Variants in CCSER1 observed in about 807,000 individuals in gnomAD.
CCSER1 encodes the protein coiled-coil serine rich protein 1, also known as serine-rich coiled-coil domain-containing protein 1.
CCSER1 carries 41 observed loss-of-function variants against 82.0 expected under a neutral mutation model. That is an observed-to-expected ratio of 0.50 (90% CI 0.39 to 0.65). The LOEUF is 0.65. CCSER1 is among the 30% of genes least tolerant of loss of function. The pLI is 0.00. For missense variants in CCSER1, 1,119 were observed against 1,064.2 expected, an observed-to-expected ratio of 1.05 and a Z score of -0.72; for synonymous variants, 414 against 383.9, an observed-to-expected ratio of 1.08 and a Z score of -0.92.
chr4:90,944,691 A>T (rs866437480), intron 9 of CCSER1, among the ~76,000 whole-genome samples: 5 of 152,238 alleles, frequency 3.3e-5, no homozygotes, highest in Admixed American at 1.3e-4. Flanking sequence ...ATTTAGTCAA[A>T]TAAGTCCTTA....
intron 3 of CCSER1, among the ~76,000 whole-genome samples, chr4:90,372,033 G>A (rs1446290950): frequency 1.3e-5 from 2 of 152,106 alleles, no homozygotes; most frequent in Non-Finnish European, 2.9e-5. Flanking sequence ...GAAAGTTGAC[G>A]ACTTGTTCAA....
intron 8 of CCSER1, chr4:90,911,185 C>CTTTTTTTT: frequency 2.4e-6 from 1 of 422,514 alleles, no homozygotes. Flanking sequence ...ATAAGTCTCC[C>CTTTTTTTT]TTTTTTTCAA....
At chr4:91,239,297 A>G (rs1043349087) in intron 10 of CCSER1, among the ~76,000 whole-genome samples, 1 of 62,962 alleles carries the variant, frequency 1.6e-5, no homozygotes, top group Non-Finnish European at 3.1e-5. Context: ...CTCATTTTAG[A>G]ATGTGCGAAT....
intron 4 of CCSER1, among the ~76,000 whole-genome samples, chr4:90,423,516 T>C (rs1055735116): frequency 6.6e-6 from 1 of 151,358 alleles, no homozygotes; most frequent in Admixed American, 6.6e-5. Flanking sequence ...GAGCCACCGC[T>C]TCTGGCTCCA....
chr4:91,422,228 A>C (rs2870322), intron 10 of CCSER1, among the ~76,000 whole-genome samples: 20,776 of 151,662 alleles, frequency 0.14, 1,955 homozygotes, highest in African/African-American at 0.26. Context: ...CAAAAAAAAA[A>C]CCCCTGTACA....
At chr4:91,280,596 T>C (rs1003258670) in intron 10 of CCSER1, among the ~76,000 whole-genome samples, 10 of 152,174 alleles carry the variant, frequency 6.6e-5, no homozygotes, top group Admixed American at 2.0e-4. Flanking sequence ...GATTACACTG[T>C]GGCTCTGCTG....
At chr4:91,382,501 T>A (rs1337881150) in intron 10 of CCSER1, among the ~76,000 whole-genome samples, 1 of 152,220 alleles carries the variant, frequency 6.6e-6, no homozygotes, top group African/African-American at 2.4e-5. Context: ...TGGGACCCTC[T>A]GAGCCAGGCA....
chr4:90,790,175 T>C (rs932732544), intron 7 of CCSER1, among the ~76,000 whole-genome samples: 4 of 148,914 alleles, frequency 2.7e-5, no homozygotes, highest in African/African-American at 9.7e-5. Context: ...TTTTTAACAG[T>C]CTTTAGCCTT....
chr4:91,583,624 T>C (rs562795562), intron 10 of CCSER1, among the ~76,000 whole-genome samples: 1 of 151,680 alleles, frequency 6.6e-6, no homozygotes, highest in African/African-American at 2.4e-5. Context: ...ACTTCTAAGC[T>C]TCTTGCTTGA....
intron 8 of CCSER1, among the ~76,000 whole-genome samples, chr4:90,888,156 T>C: frequency 6.6e-6 from 1 of 152,320 alleles, no homozygotes; most frequent in East Asian, 1.9e-4. Context: ...TTTTCTTTAT[T>C]ATCTTGAAAA....
chr4:90,186,273 G>T (rs998138433), intron 1 of CCSER1, among the ~76,000 whole-genome samples: 1 of 151,982 alleles, frequency 6.6e-6, no homozygotes, highest in African/African-American at 2.4e-5. Context: ...CCACCCTCAA[G>T]AGATATGTGT....
chr4:90,400,053 G>T lies in CCSER1; in HGVS notation c.1527G>T (p.Leu509Phe). ...KMNSLDVLNN[L>F]GSCELDEDDL... ...TTCTTCAGGATGTTTTGAATAATTTGGGATCTTGTGAACTGGATGAAGATG... is the reference window on the plus strand; with the variant it reads ...TTCTTCAGGATGTTTTGAATAATTTTGGATCTTGTGAACTGGATGAAGATG... Residue 509 changes from leucine (L) to phenylalanine (F), a missense_variant, in exon 4 of 11, where the codon TTG (leucine) becomes TTT (phenylalanine). By Grantham distance (22) the Leu-to-Phe change is conservative. Transcript: ENST00000509176. The T allele has an allele frequency of 6.2e-7, 1 of 1,601,884 alleles. No homozygotes were observed. The highest frequency in any genetic ancestry group is 8.5e-7 in the Non-Finnish European group (1 of 1,170,556).
chr4:90,818,708 C>T (rs538996804), intron 8 of CCSER1, among the ~76,000 whole-genome samples: 7 of 152,324 alleles, frequency 4.6e-5, no homozygotes, highest in African/African-American at 1.7e-4. Context: ...AGCAGCATCC[C>T]TAGCCTCTCT....
chr4:90,711,664 C>G (rs1228576105), intron 6 of CCSER1, among the ~76,000 whole-genome samples: 1 of 151,486 alleles, frequency 6.6e-6, no homozygotes, highest in Admixed American at 6.6e-5. Context: ...ACCAACCATG[C>G]ATCCCAGGGA....
At chr4:90,398,796 T>C (rs1752394305) in intron 3 of CCSER1, among the ~76,000 whole-genome samples, 3 of 152,198 alleles carry the variant, frequency 2.0e-5, no homozygotes, top group Admixed American at 6.5e-5. Flanking sequence ...GGTATACTTA[T>C]CACCTTTCAA....
intron 9 of CCSER1, among the ~76,000 whole-genome samples, chr4:90,928,353 G>GTT (rs1729321915): frequency 6.6e-6 from 1 of 152,000 alleles, no homozygotes; most frequent in East Asian, 1.9e-4. Flanking sequence ...CAGTGGTAAT[G>GTT]TTCTAAGGGC....
intron 4 of CCSER1, among the ~76,000 whole-genome samples, chr4:90,435,918 T>G (rs1758938633): frequency 6.6e-6 from 1 of 152,120 alleles, no homozygotes; most frequent in Non-Finnish European, 1.5e-5. Flanking sequence ...GTTTATGGAC[T>G]ATAAACCAAT....
At chr4:90,965,781 A>C (rs191718238) in intron 9 of CCSER1, among the ~76,000 whole-genome samples, 1 of 152,234 alleles carries the variant, frequency 6.6e-6, no homozygotes, top group Admixed American at 6.5e-5. Flanking sequence ...GACACAAGAA[A>C]GTGTGACTCA....
intron 1 of CCSER1, among the ~76,000 whole-genome samples, chr4:90,301,511 T>C (rs1733102483): frequency 6.6e-6 from 1 of 152,194 alleles, no homozygotes; most frequent in African/African-American, 2.4e-5. Context: ...TACATTTGTG[T>C]AGTAGTATTG....
Sources: gnomAD v4.1 joint callset for allele counts (sites outside exome capture counted in the v4.1 genomes callset) on GRCh38, gnomAD v4.1.1 for gene constraint, MANE v1.5 for transcripts, NCBI Gene and HGNC (gene_info 2026-07-23, HGNC 2026-07-21) for gene names.